Variants in RBFOX1 observed in about 807,000 individuals in gnomAD.
RBFOX1 encodes the protein RNA binding protein fox-1 homolog 1.
A neutral mutation model predicts 57.7 loss-of-function variants in RBFOX1; 8 were observed. That is an observed-to-expected ratio of 0.14 (90% CI 0.08 to 0.25). The LOEUF is 0.25. RBFOX1 is among the 10% of genes least tolerant of loss of function. The pLI is 1.00. For synonymous variants in RBFOX1, 326 were observed against 222.4 expected (o/e 1.47, Z -4.15); for missense variants, 611 against 548.5 (o/e 1.11, Z -1.14).
intron 3 of RBFOX1, among the ~76,000 whole-genome samples, chr16:6,821,274 C>T (rs879554383): frequency 2.0e-5 from 3 of 152,182 alleles, no homozygotes; most frequent in Non-Finnish European, 2.9e-5. Flanking sequence ...GGGCTATCAC[C>T]TGGGTCTGTG....
chr16:5,419,749 C>A (rs550146238), intron 1 of RBFOX1, among the ~76,000 whole-genome samples: 1 of 151,982 alleles, frequency 6.6e-6, no homozygotes. Context: ...AGGCAGAGGG[C>A]TTTCTCTGGC....
At chr16:6,985,832 T>TAAAAAAAAAAAAAAAAA (rs565941451) in intron 3 of RBFOX1, among the ~76,000 whole-genome samples, 1 of 99,832 alleles carries the variant, frequency 1.0e-5, no homozygotes, top group South Asian at 3.6e-4. Flanking sequence ...TGAGTTCATG[T>TAAAAAAAAAAAAAAAAA]AAAAAAAAAA....
intron 2 of RBFOX1, among the ~76,000 whole-genome samples, chr16:6,427,993 T>G: frequency 6.6e-6 from 1 of 152,032 alleles, no homozygotes; most frequent in East Asian, 1.9e-4. Flanking sequence ...GAAATGTGTT[T>G]GATGAGAGGC....
chr16:7,461,703 T>A (rs1454488257), intron 4 of RBFOX1, among the ~76,000 whole-genome samples: 1 of 152,196 alleles, frequency 6.6e-6, no homozygotes, highest in Non-Finnish European at 1.5e-5. Flanking sequence ...GAAGATGATA[T>A]GATAATCCAC....
intron 2 of RBFOX1, among the ~76,000 whole-genome samples, chr16:6,555,691 C>G (rs2097087552): frequency 6.7e-6 from 1 of 149,388 alleles, no homozygotes; most frequent in African/African-American, 2.6e-5. Context: ...CAGAGCTAGA[C>G]TCTGTCTGAA....
chr16:6,532,125 C>T (rs150517265), intron 2 of RBFOX1, among the ~76,000 whole-genome samples: 1,975 of 152,202 alleles, frequency 0.013, 39 homozygotes, highest in African/African-American at 0.045. Flanking sequence ...TTAGGCAATA[C>T]CTCCCCTTCT....
chr16:5,406,905 G>A (rs2066883748), intron 1 of RBFOX1, among the ~76,000 whole-genome samples: 1 of 152,176 alleles, frequency 6.6e-6, no homozygotes. Context: ...AGCAGTGTGT[G>A]TGATGTGGGA....
intron 1 of RBFOX1, among the ~76,000 whole-genome samples, chr16:6,041,040 C>T (rs545274323): frequency 1.1e-4 from 16 of 152,256 alleles, no homozygotes; most frequent in Admixed American, 5.2e-4. Context: ...TAATGTTACC[C>T]ATCCACCATT....
At chr16:6,881,258 C>T (rs1344633653) in intron 3 of RBFOX1, among the ~76,000 whole-genome samples, 2 of 152,246 alleles carry the variant, frequency 1.3e-5, no homozygotes, top group East Asian at 1.9e-4. Context: ...AAGATTGGAC[C>T]TAGGTGGGGA....
At chr16:6,402,425 T>A (rs2093111207) in intron 2 of RBFOX1, among the ~76,000 whole-genome samples, 1 of 152,240 alleles carries the variant, frequency 6.6e-6, no homozygotes. Flanking sequence ...GCTTGCTTTT[T>A]TTTCCTTTGG....
chr16:6,195,855 G>C (rs1285555391), intron 1 of RBFOX1, among the ~76,000 whole-genome samples: 2 of 152,134 alleles, frequency 1.3e-5, no homozygotes, highest in Non-Finnish European at 2.9e-5. Context: ...CAAAGGGCCA[G>C]ATTGAGTTTA....
At chr16:6,931,307 A>G (rs565102742) in intron 3 of RBFOX1, among the ~76,000 whole-genome samples, 87 of 126,102 alleles carry the variant, frequency 6.9e-4, no homozygotes, top group Non-Finnish European at 1.1e-3. Flanking sequence ...CTATCTATCT[A>G]TCTATCTATC....
intron 4 of RBFOX1, among the ~76,000 whole-genome samples, chr16:5,935,696 G>T (rs988271040): frequency 6.6e-6 from 1 of 152,202 alleles, no homozygotes; most frequent in African/African-American, 2.4e-5. Context: ...GGTCTCAGAT[G>T]TTAAAGCAAC....
chr16:7,455,308 G>A (rs550703970), intron 4 of RBFOX1, among the ~76,000 whole-genome samples: 8 of 152,144 alleles, frequency 5.3e-5, no homozygotes, highest in East Asian at 1.9e-4. Context: ...GAAGTTTCAC[G>A]TTTCAGCAGC....
intron 1 of RBFOX1, among the ~76,000 whole-genome samples, chr16:6,064,580 C>G (rs2095734348): frequency 6.6e-6 from 1 of 151,910 alleles, no homozygotes; most frequent in African/African-American, 2.4e-5. Flanking sequence ...GTCGCTCTGT[C>G]ACCAGGCTGG....
chr16:6,763,859 A>G (rs910949814), intron 3 of RBFOX1, among the ~76,000 whole-genome samples: 3 of 152,072 alleles, frequency 2.0e-5, no homozygotes, highest in African/African-American at 7.2e-5. Context: ...TAATTCCTCT[A>G]TTTCATTTGC....
At chr16:5,807,331 T>G (rs1238181299) in intron 3 of RBFOX1, among the ~76,000 whole-genome samples, 2 of 152,074 alleles carry the variant, frequency 1.3e-5, no homozygotes, top group Non-Finnish European at 2.9e-5. Context: ...CTCTTAGTAT[T>G]TCCTTCACAA....
rs1441626534 is a variant in RBFOX1, at chr16:6,439,744, A to C, written c.-64+122687A>C. 2.0e-5 allele frequency among the ~76,000 whole-genome samples: 3 copies of C among 152,124 alleles called. No individual in the cohort carries two copies. The East Asian group carries it at 5.8e-4, about 29-fold the overall frequency. On this transcript the variant is annotated intron_variant, in intron 2 of 15. Coordinates refer to ENST00000550418, the MANE Select transcript of RBFOX1 (RefSeq NM_018723.4). ...GACATATTATTTGGGATACTTCTCCAGTCTCATCTTTCCCTGGGAGATGTC... is the reference window on the plus strand; with the variant it reads ...GACATATTATTTGGGATACTTCTCCCGTCTCATCTTTCCCTGGGAGATGTC...
intron 4 of RBFOX1, among the ~76,000 whole-genome samples, chr16:5,996,948 C>G (rs551437255): frequency 6.6e-5 from 10 of 152,312 alleles, no homozygotes; most frequent in African/African-American, 2.2e-4. Context: ...TTCGTCCAAA[C>G]TGACGAGCAA....
Sources: allele counts gnomAD v4.1 joint callset (sites outside exome capture counted in the v4.1 genomes callset), GRCh38; gene constraint gnomAD v4.1.1; transcripts MANE v1.5; gene names NCBI Gene and HGNC (gene_info 2026-07-23, HGNC 2026-07-21).